The following PARN variants were observed in gnomAD, a reference collection of about 807,000 sequenced individuals.
PARN encodes poly(A)-specific ribonuclease PARN.
Under a neutral mutation model 102.8 loss-of-function variants are expected in PARN, and 71 were observed. The observed-to-expected ratio is 0.69, with a 90% CI of 0.57 to 0.84. The LOEUF is 0.84. Ranked by LOEUF, PARN falls within the 40% of genes least tolerant of loss-of-function variation. The pLI, the probability that PARN is intolerant of heterozygous loss-of-function variation, is 0.00. For synonymous variants in PARN, 261 were observed against 252.9 expected (o/e 1.03, Z -0.30); for missense variants, 782 against 760.9 (o/e 1.03, Z -0.33).
intron 13 of PARN, among the ~76,000 whole-genome samples, chr16:14,590,634 C>CA (rs966183881): frequency 0.072 from 4,554 of 63,062 alleles, 116 homozygotes; most frequent in Middle Eastern, 0.1. Flanking sequence ...GATTCAGTCT[C>CA]AAAAAAAAAA....
intron 18 of PARN, among the ~76,000 whole-genome samples, chr16:14,573,662 C>T (rs1261550555): frequency 3.9e-5 from 6 of 152,130 alleles, no homozygotes; most frequent in African/African-American, 9.7e-5. Flanking sequence ...GTGGGAGGAA[C>T]GTGATGGAAG....
At position 14,584,892 on chromosome 16, in the gene PARN, A is replaced by C. The variant is rs1433267169; in HGVS notation, c.963-101T>G. On this transcript the variant is annotated intron_variant, in intron 14 of 23. Transcript: ENST00000437198. ...ACTTAAAATACTTCATACATAAAAAACATAATTAAAACATAAAATGTTTAA... is the reference window on the plus strand; with the variant it reads ...ACTTAAAATACTTCATACATAAAAACCATAATTAAAACATAAAATGTTTAA... 12 of 636,304 alleles carry C rather than the reference A, an allele frequency of 1.9e-5. No individual in the cohort carries two copies. The East Asian group carries it at 2.5e-4, about 13-fold the overall frequency. 39.4% of individuals were successfully genotyped at this position (636,304 alleles called of 1,614,324 possible).
chr16:14,628,106 AT>A, intron 3 of PARN, 65 bp downstream of exon 3: 1 of 936,318 alleles, frequency 1.1e-6, no homozygotes, highest in South Asian at 1.4e-5. Context: ...TAGTAACAAT[AT>A]TTATCATTTA....
At chr16:14,544,989 T>A (rs1966872012) in intron 21 of PARN, among the ~76,000 whole-genome samples, 1 of 152,054 alleles carries the variant, frequency 6.6e-6, no homozygotes, top group Non-Finnish European at 1.5e-5. Context: ...CAGTTCAAGG[T>A]CAGCCTGCGT....
rs1972735989 is a variant in PARN at position 14,627,284 on chromosome 16, T to C, written c.230A>G (p.Asp77Gly). The change falls in exon 4 of 24, where the codon GAC (aspartate) becomes GGC (glycine). Residue 77 changes from aspartate (D) to glycine (G), a missense_variant. Physicochemically the swap from Asp to Gly is moderately conservative, Grantham distance 94. Coordinates refer to ENST00000437198, the MANE Select transcript of PARN (RefSeq NM_002582.4). ...CACAACCTACTTTGAATCTGTGTAGTCATACTTAAAAGTGCAAAGGCCAAA... is the reference window on the plus strand; with the variant it reads ...CACAACCTACTTTGAATCTGTGTAGCCATACTTAAAAGTGCAAAGGCCAAA... ...FQFGLCTFKYDYTDSKYITKS... is the reference protein window; with the variant it reads ...FQFGLCTFKYGYTDSKYITKS... 3 of 1,594,540 alleles carry C rather than the reference T, an allele frequency of 1.9e-6. No homozygotes were observed. The highest frequency in any genetic ancestry group is 1.3e-5 in the African/African-American group (1 of 74,672).
At chr16:14,550,120 C>T (rs937570529) in intron 21 of PARN, among the ~76,000 whole-genome samples, 3 of 152,202 alleles carry the variant, frequency 2.0e-5, no homozygotes, top group African/African-American at 7.2e-5. Context: ...CTTGCAGCCA[C>T]ACTGAAGCCT....
At chr16:14,580,285 GTTTT>G (rs978739318) in intron 18 of PARN, among the ~76,000 whole-genome samples, 7 of 149,524 alleles carry the variant, frequency 4.7e-5, no homozygotes, top group Admixed American at 2.7e-4. Flanking sequence ...ATTTTCTTTT[GTTTT>G]TTTTGTTTTT....
intron 18 of PARN, among the ~76,000 whole-genome samples, chr16:14,573,242 T>C (rs1179741636): frequency 1.3e-5 from 2 of 152,244 alleles, no homozygotes; most frequent in African/African-American, 4.8e-5. Flanking sequence ...CAACATGTTT[T>C]GAAATATGTA....
At chr16:14,452,537 A>G (rs1961510332) in intron 22 of PARN, among the ~76,000 whole-genome samples, 1 of 152,192 alleles carries the variant, frequency 6.6e-6, no homozygotes, top group Admixed American at 6.5e-5. Flanking sequence ...GGGTTTCACC[A>G]TGTTGGCCAG....
At chr16:14,599,837 T>C in intron 12 of PARN, 67 bp downstream of exon 12, 2 of 924,272 alleles carry the variant, frequency 2.2e-6, no homozygotes, top group South Asian at 3.0e-5. Flanking sequence ...TAATCTGCAA[T>C]GATAATTAGA....
At chr16:14,574,643 G>A (rs917886620) in intron 18 of PARN, among the ~76,000 whole-genome samples, 13 of 152,106 alleles carry the variant, frequency 8.5e-5, no homozygotes, top group African/African-American at 2.7e-4. Context: ...AACCCATGAG[G>A]CAGAGGTTGC....
At chr16:14,530,975 TCATCCATCCATCCATC>T (rs56403427) in intron 21 of PARN, among the ~76,000 whole-genome samples, 14 of 151,374 alleles carry the variant, frequency 9.2e-5, no homozygotes, top group Non-Finnish European at 1.8e-4. Context: ...ATTCATTCAT[TCATCCATCCATCCATC>T]CATCCATCCA....
chr16:14,560,430 T>G (rs1340531328), intron 18 of PARN, among the ~76,000 whole-genome samples: 2 of 152,214 alleles, frequency 1.3e-5, no homozygotes, highest in East Asian at 3.8e-4. Context: ...AAATATTATT[T>G]CCCCACTTAT....
chr16:14,547,012 G>C (rs535165768), intron 21 of PARN, among the ~76,000 whole-genome samples: 2 of 151,356 alleles, frequency 1.3e-5, no homozygotes, highest in South Asian at 4.2e-4. Flanking sequence ...AGAATTGCTT[G>C]AACCTAGGAG....
intron 22 of PARN, among the ~76,000 whole-genome samples, chr16:14,457,766 C>A (rs373360892): frequency 1.4e-4 from 19 of 136,786 alleles, no homozygotes; most frequent in African/African-American, 5.0e-4. Flanking sequence ...CCATTGTACT[C>A]CAGCCTGGGG....
At chr16:14,499,865 A>G (rs574076740) in intron 21 of PARN, among the ~76,000 whole-genome samples, 1 of 152,220 alleles carries the variant, frequency 6.6e-6, no homozygotes, top group Non-Finnish European at 1.5e-5. Flanking sequence ...TTAAATAAAA[A>G]CAATATTAAT....
intron 18 of PARN, among the ~76,000 whole-genome samples, chr16:14,565,410 C>CAAAAAAAAAAAAAAAAAAGAA (rs71636621): frequency 9.5e-6 from 1 of 105,638 alleles, no homozygotes. Context: ...GAAACAAAGG[C>CAAAAAAAAAAAAAAAAAAGAA]AAAAAAAAAA....
chr16:14,519,301 GAGGGA>G (rs1222019945), intron 21 of PARN, among the ~76,000 whole-genome samples: 8 of 111,644 alleles, frequency 7.2e-5, no homozygotes, highest in African/African-American at 2.0e-4. Flanking sequence ...GAGGGGAGGG[GAGGGA>G]AGGGAAGGGG....
At position 14,456,977 on chromosome 16, in the gene PARN, A is replaced by G. The variant is rs372567172; in HGVS notation, c.1671-9896T>C. Among the ~76,000 whole-genome samples the G allele has an allele frequency of 2.0e-5, 3 of 152,256 alleles. No homozygotes were observed. In the East Asian group the frequency reaches 5.8e-4, roughly 29 times the overall value. On this transcript the variant is annotated intron_variant, in intron 22 of 23. Coordinates refer to ENST00000437198, the MANE Select transcript of PARN (RefSeq NM_002582.4). ...CTGTCACTAGAATGTACGTTCCATG[A>G]GAGCAGGCTCTTACACTGCTTGTGC... is the stretch of plus-strand genomic sequence containing the variant.
Sources: gnomAD v4.1 joint callset for allele counts (sites outside exome capture counted in the v4.1 genomes callset) on GRCh38, gnomAD v4.1.1 for gene constraint, MANE v1.5 for transcripts, NCBI Gene and HGNC (gene_info 2026-07-23, HGNC 2026-07-21) for gene names.